Variants in LOXHD1 observed in about 807,000 individuals in gnomAD.
LOXHD1 encodes the protein lipoxygenase homology PLAT domains 1, also known as lipoxygenase homology domain-containing protein 1.
LOXHD1 carries 205 observed loss-of-function variants against 248.2 expected under a neutral mutation model. The observed-to-expected ratio is 0.83, with a 90% CI of 0.74 to 0.93. The LOEUF (loss-of-function observed/expected upper bound fraction) is 0.93. LOXHD1 is among the 40% of genes least tolerant of loss of function. The pLI is 0.00. For missense variants in LOXHD1, 2,930 were observed against 2,971.6 expected (o/e 0.99, Z 0.33); for synonymous variants, 1,113 against 1,162.8 (o/e 0.96, Z 0.87).
intron 14 of LOXHD1, among the ~76,000 whole-genome samples, chr18:46,574,419 A>C (rs182315648): frequency 2.1e-4 from 32 of 148,918 alleles, no homozygotes; most frequent in Admixed American, 4.7e-4. Context: ...ACACACACAC[A>C]CCTGATCCTA....
rs574369643 is a variant in LOXHD1 at position 46,547,018 on chromosome 18, C to A, written c.3391G>T (p.Asp1131Tyr). 2 of 1,551,816 alleles carry A rather than the reference C, an allele frequency of 1.3e-6. No individual in the cohort carries two copies. The highest frequency in any genetic ancestry group is 1.2e-5 in the South Asian group (1 of 84,066). The change falls in exon 22 of 41, where the codon GAT becomes TAT. Residue 1131 changes from aspartate to tyrosine, a missense_variant. By Grantham distance (160) the Asp-to-Tyr change is radical. Coordinates refer to ENST00000642948, the MANE Select transcript of LOXHD1 (RefSeq NM_001384474.1). ...PCQRWLAVEE[D>Y]DGQLSRELLP... ...AGCTCCCTGGACAGCTGGCCATCAT[C>A]TTCCTCCACTGCCAGCCAACGTTGG...
chr18:46,603,024 A>G (rs2038361715), intron 7 of LOXHD1, among the ~76,000 whole-genome samples: 1 of 152,150 alleles, frequency 6.6e-6, no homozygotes, highest in Non-Finnish European at 1.5e-5. Flanking sequence ...CACACCTCAC[A>G]ATGATCAGCC....
At chr18:46,527,968 C>T (rs1248029286) in intron 29 of LOXHD1, among the ~76,000 whole-genome samples, 1 of 152,162 alleles carries the variant, frequency 6.6e-6, no homozygotes, top group Non-Finnish European at 1.5e-5. Flanking sequence ...GACCTGGCAG[C>T]CAGGCTGGGG....
At chr18:46,503,276 G>C (rs2034349067) in intron 37 of LOXHD1, among the ~76,000 whole-genome samples, 3 of 152,154 alleles carry the variant, frequency 2.0e-5, no homozygotes, top group African/African-American at 7.2e-5. Flanking sequence ...TTTAACAGGA[G>C]AGACTGTAGA....
chr18:46,614,995 T>C (rs1013831476), intron 5 of LOXHD1, among the ~76,000 whole-genome samples: 2 of 152,232 alleles, frequency 1.3e-5, no homozygotes, highest in Non-Finnish European at 2.9e-5. Context: ...TCTTTAGTGA[T>C]TACAGATCTC....
At chr18:46,534,823 T>A (rs2036236999) in intron 26 of LOXHD1, among the ~76,000 whole-genome samples, 1 of 152,202 alleles carries the variant, frequency 6.6e-6, no homozygotes, top group Non-Finnish European at 1.5e-5. Flanking sequence ...CATGCTCCTG[T>A]CTTGCCAAGT....
chr18:46,618,410 T>C, intron 4 of LOXHD1, 120 bp from the exon 5 acceptor site: 1 of 689,344 alleles, frequency 1.5e-6, no homozygotes, highest in Non-Finnish European at 2.5e-6. Context: ...TTGTCACCAT[T>C]ACTGTCAATA....
chr18:46,539,327 G>A lies in LOXHD1; in HGVS notation c.3914-990C>T, dbSNP rs1019284073. On this transcript the variant is annotated intron_variant, in intron 25 of 40. Coordinates refer to ENST00000642948, the MANE Select transcript of LOXHD1 (RefSeq NM_001384474.1). ...AATATAAAAGTTAGCTGGACGTGGCGGTGGGTATCTGTAGCCCCAGCTACT... is the reference window on the plus strand; with the variant it reads ...AATATAAAAGTTAGCTGGACGTGGCAGTGGGTATCTGTAGCCCCAGCTACT... Among the ~76,000 whole-genome samples the A allele has an allele frequency of 7.2e-5, 11 of 152,264 alleles. No individual in the cohort carries two copies. The East Asian group carries it at 1.4e-3, about 19-fold the overall frequency.
In LOXHD1 at chr18:46,577,598, C is replaced by T. The variant is rs563687828; in HGVS notation, c.1970+109G>A. The T allele has an allele frequency of 2.5e-4, 323 of 1,304,640 alleles. 3 individuals carry two copies. In the South Asian group the frequency reaches 4.4e-3, roughly 18 times the overall value. The allele number at this position is 1,304,640 out of a possible 1,614,324, so 80.8% of individuals were successfully genotyped here. On this transcript the variant is annotated intron_variant, in intron 14 of 40. Coordinates refer to ENST00000642948, the MANE Select transcript of LOXHD1 (RefSeq NM_001384474.1). ...ACCTCTTTCTTGCACCAGCTATAGC[C>T]TTAAGCCACTGTTTTGCTTGCTGGT...
chr18:46,485,694 C>T (rs890117049), intron 38 of LOXHD1, among the ~76,000 whole-genome samples: 23 of 152,236 alleles, frequency 1.5e-4, no homozygotes, highest in African/African-American at 5.1e-4. Flanking sequence ...TGGACTAGAC[C>T]CTGGGTGACA....
intron 4 of LOXHD1, among the ~76,000 whole-genome samples, chr18:46,620,957 T>C (rs7228335): frequency 0.035 from 5,329 of 152,134 alleles, 300 homozygotes; most frequent in African/African-American, 0.11. Flanking sequence ...GAGCCCAAAG[T>C]GAGGCAATTT....
At chr18:46,496,957 G>A (rs1035536288) in intron 37 of LOXHD1, among the ~76,000 whole-genome samples, 3 of 152,142 alleles carry the variant, frequency 2.0e-5, no homozygotes, top group Non-Finnish European at 2.9e-5. Flanking sequence ...GAGCAGAGAT[G>A]GCCCCACTGC....
intron 5 of LOXHD1, 67 bp from the exon 6 acceptor site, chr18:46,610,991 G>T (rs935087930): frequency 8.5e-6 from 13 of 1,525,388 alleles, no homozygotes; most frequent in Non-Finnish European, 1.1e-5. Context: ...AAGCCTTCAT[G>T]GTCCGCCCAC....
chr18:46,523,082 G>A (rs2035658621), intron 31 of LOXHD1, among the ~76,000 whole-genome samples: 1 of 152,030 alleles, frequency 6.6e-6, no homozygotes, highest in African/African-American at 2.4e-5. Flanking sequence ...TGAGTAGCTG[G>A]GATTACAGGC....
At chr18:46,506,062 C>T in intron 36 of LOXHD1, 39 bp from the exon 37 acceptor site, 1 of 1,546,580 alleles carries the variant, frequency 6.5e-7, no homozygotes, top group Non-Finnish European at 8.7e-7. Context: ...GTGCCAGCCT[C>T]TTTGACACAC....
intron 16 of LOXHD1, among the ~76,000 whole-genome samples, chr18:46,569,037 T>C (rs866616876): frequency 6.6e-6 from 1 of 152,134 alleles, no homozygotes; most frequent in South Asian, 2.1e-4. Context: ...AAGTTTGAAA[T>C]TGGGAAGTAT....
At chr18:46,546,787 G>T in intron 22 of LOXHD1, 108 bp downstream of exon 22, 1 of 1,282,424 alleles carries the variant, frequency 7.8e-7, no homozygotes. Flanking sequence ...TGTCAAGGGA[G>T]GAAGTTCCCA....
At chr18:46,612,551 C>T (rs1599049420) in intron 5 of LOXHD1, among the ~76,000 whole-genome samples, 1 of 152,054 alleles carries the variant, frequency 6.6e-6, no homozygotes, top group East Asian at 1.9e-4. Flanking sequence ...TCTTTTATTC[C>T]ATTTTTCTCT....
intron 34 of LOXHD1, among the ~76,000 whole-genome samples, chr18:46,512,453 T>C (rs559921799): frequency 3.0e-4 from 45 of 152,326 alleles, no homozygotes; most frequent in African/African-American, 1.1e-3. Context: ...AAAACCCTTG[T>C]CTCTGAATTT....
Sources: gnomAD v4.1 joint callset for allele counts (sites outside exome capture counted in the v4.1 genomes callset) on GRCh38, gnomAD v4.1.1 for gene constraint, MANE v1.5 for transcripts, NCBI Gene and HGNC (gene_info 2026-07-23, HGNC 2026-07-21) for gene names.